The following ERC1 variants were observed in gnomAD, a reference collection of about 807,000 sequenced individuals.
ERC1 encodes RAB6 interacting protein 2.
ERC1 carries 56 observed loss-of-function variants against 132.0 expected under a neutral mutation model. That is an observed-to-expected ratio of 0.42 (90% CI 0.34 to 0.53). The LOEUF is 0.53. Ranked by LOEUF, ERC1 falls within the 20% of genes least tolerant of loss-of-function variation. The probability of loss-of-function intolerance (pLI) is 0.03; values close to 1 mark genes in which losing one functional copy is unlikely to be tolerated. For missense variants in ERC1, 1,202 were observed against 1,349.9 expected, an observed-to-expected ratio of 0.89 and a Z score of 1.72; for synonymous variants, 478 against 476.1, an observed-to-expected ratio of 1.00 and a Z score of -0.05.
At chr12:1,245,283 T>A (rs1594505908) in intron 13 of ERC1, among the ~76,000 whole-genome samples, 1 of 152,216 alleles carries the variant, frequency 6.6e-6, no homozygotes, top group East Asian at 1.9e-4. Context: ...CTTTTCTTCT[T>A]CTTTGCTTTT....
At chr12:1,206,837 C>T (rs769889289) in intron 12 of ERC1, among the ~76,000 whole-genome samples, 2 of 151,954 alleles carry the variant, frequency 1.3e-5, no homozygotes, top group Non-Finnish European at 2.9e-5. Flanking sequence ...GTTTTTAAAA[C>T]AAATGTTTAG....
intron 1 of ERC1, among the ~76,000 whole-genome samples, chr12:1,023,646 A>G (rs568967117): frequency 9.2e-5 from 14 of 152,274 alleles, no homozygotes; most frequent in Admixed American, 1.3e-4. Context: ...AGGCAGGGAG[A>G]AAGGATTTCT....
At chr12:1,293,006 G>A (rs2079566645) in intron 15 of ERC1, among the ~76,000 whole-genome samples, 1 of 151,908 alleles carries the variant, frequency 6.6e-6, no homozygotes, top group African/African-American at 2.4e-5. Context: ...TTAGCTGGGT[G>A]TGGTGGCGCA....
chr12:1,081,693 G>T (rs1038534207), intron 2 of ERC1, among the ~76,000 whole-genome samples: 1 of 152,136 alleles, frequency 6.6e-6, no homozygotes, highest in Admixed American at 6.6e-5. Context: ...GGTAGTTGCC[G>T]GGGGTAGGGG....
At chr12:1,045,417 G>C (rs1189851234) in intron 2 of ERC1, among the ~76,000 whole-genome samples, 1 of 152,066 alleles carries the variant, frequency 6.6e-6, no homozygotes, top group Non-Finnish European at 1.5e-5. Context: ...CTATGATAGA[G>C]AACTAGTGAA....
intron 17 of ERC1, among the ~76,000 whole-genome samples, chr12:1,439,994 A>AC (rs1192153095): frequency 6.6e-6 from 1 of 152,092 alleles, no homozygotes; most frequent in African/African-American, 2.4e-5. Flanking sequence ...AGATTTGGGG[A>AC]CTATACTAGT....
intron 1 of ERC1, 116 bp from the exon 2 acceptor site, chr12:1,027,632 C>T (rs1040134584): frequency 1.2e-5 from 5 of 419,682 alleles, no homozygotes; most frequent in Admixed American, 1.2e-4. Flanking sequence ...ATTCTGAATG[C>T]GTGAGTACAT....
chr12:1,176,589 T>A (rs113487328), intron 8 of ERC1, among the ~76,000 whole-genome samples: 5,591 of 152,106 alleles, frequency 0.037, 309 homozygotes, highest in African/African-American at 0.13. Flanking sequence ...TTTCTTTTTT[T>A]TTCCTTTTTG....
At chr12:1,419,337 T>C (rs1026126169) in intron 17 of ERC1, among the ~76,000 whole-genome samples, 21 of 152,014 alleles carry the variant, frequency 1.4e-4, no homozygotes, top group Admixed American at 3.3e-4. Context: ...ATACTACAAA[T>C]GTACTTTTTC....
chr12:1,385,849 G>C (rs1173488993), intron 16 of ERC1: 3 of 152,102 alleles, frequency 2.0e-5, no homozygotes, highest in Non-Finnish European at 4.4e-5. Context: ...TCTCAGATGA[G>C]ACTAAGTGGG....
chr12:1,314,934 A>C (rs955525203), intron 15 of ERC1, among the ~76,000 whole-genome samples: 1 of 152,216 alleles, frequency 6.6e-6, no homozygotes, highest in Non-Finnish European at 1.5e-5. Flanking sequence ...TAGTTTTCTA[A>C]CTATGTCAAT....
At chr12:1,353,322 G>A (rs769651670) in intron 15 of ERC1, among the ~76,000 whole-genome samples, 3 of 152,094 alleles carry the variant, frequency 2.0e-5, no homozygotes, top group South Asian at 2.1e-4. Flanking sequence ...GAGCCACCGC[G>A]CCCGGCCTAC....
At chr12:1,207,977 C>G (rs1957496157) in intron 12 of ERC1, among the ~76,000 whole-genome samples, 1 of 152,122 alleles carries the variant, frequency 6.6e-6, no homozygotes, top group South Asian at 2.1e-4. Context: ...CACCCACCCC[C>G]CCATCTCAGT....
At chr12:1,440,352 C>T (rs370535117) in intron 17 of ERC1, among the ~76,000 whole-genome samples, 2 of 149,322 alleles carry the variant, frequency 1.3e-5, no homozygotes, top group Non-Finnish European at 3.0e-5. Flanking sequence ...CTACAGACGC[C>T]CGCCACCACG....
chr12:1,481,750 C>T (rs1355333982), intron 18 of ERC1, among the ~76,000 whole-genome samples: 3 of 152,128 alleles, frequency 2.0e-5, no homozygotes, highest in East Asian at 1.9e-4. Context: ...CCTGGAAAAG[C>T]GTAGCCTTGT....
intron 16 of ERC1, among the ~76,000 whole-genome samples, chr12:1,403,114 C>A (rs573589305): frequency 1.3e-5 from 2 of 152,310 alleles, no homozygotes; most frequent in Admixed American, 6.5e-5. Flanking sequence ...AGACAACTAA[C>A]TCCTTTTTCC....
intron 15 of ERC1, among the ~76,000 whole-genome samples, chr12:1,290,709 A>G (rs1484115368): frequency 1.3e-5 from 2 of 152,080 alleles, no homozygotes; most frequent in Non-Finnish European, 2.9e-5. Context: ...CCCCTTACCT[A>G]AAGACCCTAC....
intron 7 of ERC1, among the ~76,000 whole-genome samples, chr12:1,132,275 G>C (rs1352329995): frequency 6.6e-6 from 1 of 150,710 alleles, no homozygotes; most frequent in African/African-American, 2.4e-5. Context: ...TGAATACTTA[G>C]TCAATAAAAG....
At chr12:1,405,478 C>A (rs942034229) in intron 16 of ERC1, among the ~76,000 whole-genome samples, 1 of 150,908 alleles carries the variant, frequency 6.6e-6, no homozygotes, top group Non-Finnish European at 1.5e-5. Context: ...CCAAAGCAGG[C>A]GGATTATATG....
Sources: gnomAD v4.1 joint callset for allele counts (sites outside exome capture counted in the v4.1 genomes callset) on GRCh38, gnomAD v4.1.1 for gene constraint, MANE v1.5 for transcripts, NCBI Gene and HGNC (gene_info 2026-07-23, HGNC 2026-07-21) for gene names.